SLC2A7: variants seen among roughly 807,000 people sequenced by gnomAD.
SLC2A7 encodes solute carrier family 2, facilitated glucose transporter member 7.
SLC2A7 carries 50 observed loss-of-function variants against 50.5 expected under a neutral mutation model. That is an observed-to-expected ratio of 0.99 (90% confidence interval 0.79 to 1.25). SLC2A7 has a LOEUF of 1.25. SLC2A7 is among the 50% of genes most tolerant of loss of function. SLC2A7 has a pLI of 0.00. For missense variants in SLC2A7, 683 were observed against 679.1 expected (o/e 1.01, Z -0.06); for synonymous variants, 308 against 300.4 (o/e 1.03, Z -0.26).
chr1:9,005,290 C>T (rs1557645743), intron 10 of SLC2A7, among the ~76,000 whole-genome samples: 1 of 152,150 alleles, frequency 6.6e-6, no homozygotes, highest in Admixed American at 6.5e-5. Context: ...TGGGAAGTGC[C>T]GCCCTCCTAT....
At chr1:9,005,532 AC>A (rs1640641810) in intron 10 of SLC2A7, among the ~76,000 whole-genome samples, 1 of 151,736 alleles carries the variant, frequency 6.6e-6, no homozygotes, top group Admixed American at 6.6e-5. Flanking sequence ...CAAGCTTCCC[AC>A]CCCCGCTTAG....
chr1:9,017,444 C>G lies in SLC2A7; in HGVS notation c.589+779G>C, dbSNP rs191423465. On this transcript the variant is annotated intron_variant, in intron 5 of 11. Coordinates refer to ENST00000400906, the MANE Select transcript of SLC2A7 (RefSeq NM_207420.3). ...TCTGCAGAGGGTCCTGCCCCACACC[C>G]AGAAGGAAGGCTGTACAGAGGCCAA... Among the ~76,000 whole-genome samples, 618 of 152,292 alleles carry G rather than the reference C, an allele frequency of 4.1e-3. 6 individuals are homozygous for G. Among genetic ancestry groups the G allele is most frequent in the African/African-American group, 0.014 (588 of 41,546 alleles).
chr1:9,016,010 A>C (rs1450056816), intron 5 of SLC2A7, among the ~76,000 whole-genome samples: 1 of 152,012 alleles, frequency 6.6e-6, no homozygotes, highest in Non-Finnish European at 1.5e-5. Context: ...GGCATGAGCC[A>C]CTGCACCCAG....
intron 1 of SLC2A7, among the ~76,000 whole-genome samples, chr1:9,025,947 A>G (rs1253755335): frequency 6.6e-6 from 1 of 152,144 alleles, no homozygotes; most frequent in African/African-American, 2.4e-5. Flanking sequence ...CTGCACATCC[A>G]GGAACAACCA....
intron 1 of SLC2A7, 76 bp downstream of exon 1, chr1:9,026,219 G>T: frequency 3.4e-6 from 5 of 1,490,670 alleles, no homozygotes; most frequent in Non-Finnish European, 4.6e-6. Flanking sequence ...AGCATTCCAC[G>T]GCCTTCACCT....
At chr1:9,025,095 G>A (rs763526014) in intron 1 of SLC2A7, 21 bp from the exon 2 acceptor site, 2 of 1,612,326 alleles carry the variant, frequency 1.2e-6, no homozygotes, top group East Asian at 4.5e-5. Context: ...CAAGTCCAAG[G>A]TCGGGACGCT....
intron 7 of SLC2A7, among the ~76,000 whole-genome samples, chr1:9,013,997 G>A (rs565968509): frequency 1.3e-5 from 2 of 152,218 alleles, no homozygotes; most frequent in Non-Finnish European, 2.9e-5. Context: ...CAAGCCAACC[G>A]CAAGTTGAGT....
the SLC2A7 span, among the ~76,000 whole-genome samples, chr1:8,993,390 C>A: frequency 6.6e-6 from 1 of 152,196 alleles, no homozygotes; most frequent in Non-Finnish European, 1.5e-5. Context: ...TAAGCACCAG[C>A]TTGTCCTTCC....
At chr1:9,004,708 C>T (rs776703150) in intron 11 of SLC2A7, 44 bp downstream of exon 11, 1 of 1,610,918 alleles carries the variant, frequency 6.2e-7, no homozygotes, top group Non-Finnish European at 8.5e-7. Flanking sequence ...ATCTTACTCC[C>T]TGGAGGCCCG....
intron 11 of SLC2A7, among the ~76,000 whole-genome samples, chr1:9,004,495 GC>G (rs1640623225): frequency 6.6e-6 from 1 of 152,118 alleles, no homozygotes; most frequent in Admixed American, 6.5e-5. Context: ...GTTTGCTGGC[GC>G]CTTTGAGCTC....
At chr1:9,026,196 G>T (rs565796691) in intron 1 of SLC2A7, 99 bp downstream of exon 1, 5 of 1,312,676 alleles carry the variant, frequency 3.8e-6, no homozygotes, top group African/African-American at 2.9e-5. Flanking sequence ...CACGCTACCC[G>T]CTCCTTGCTA....
downstream of SLC2A7, among the ~76,000 whole-genome samples, chr1:9,001,543 C>T (rs557410770): frequency 4.6e-5 from 7 of 151,754 alleles, no homozygotes; most frequent in Non-Finnish European, 8.8e-5. Context: ...CTCAGCCTCC[C>T]AAGCAGCTGG....
rs749997562 is a variant in SLC2A7 at position 9,014,698 on chromosome 1, G to C, written c.886C>G (p.Leu296Val). 7 of 1,559,504 alleles carry C rather than the reference G, an allele frequency of 4.5e-6. No homozygotes were observed. The highest frequency in any genetic ancestry group is 6.1e-6 in the Non-Finnish European group (7 of 1,151,576). ...CCACATACCGCATTGATGCCCGACAGCTGCTGGCCGGCCATGAGCACGATG... is the reference window on the plus strand; with the variant it reads ...CCACATACCGCATTGATGCCCGACACCTGCTGGCCGGCCATGAGCACGATG... ...SIIVLMAGQQ[L>V]SGINAINYYA... The change falls in exon 7 of 12, where the codon CTG (leucine) becomes GTG (valine). Residue 296 changes from leucine to valine, a missense_variant. Physicochemically the swap from Leu to Val is conservative, Grantham distance 32. Coordinates refer to ENST00000400906, the MANE Select transcript of SLC2A7 (RefSeq NM_207420.3).
At chr1:9,005,781 CAA>C (rs75636224) in intron 10 of SLC2A7, among the ~76,000 whole-genome samples, 35 of 42,600 alleles carry the variant, frequency 8.2e-4, no homozygotes, top group Middle Eastern at 0.018. Context: ...GACTCCAACT[CAA>C]AAAAAAAAAA....
rs558447840 is a variant in SLC2A7 at position 9,024,153 on chromosome 1, C to T, written c.150+823G>A. 4.6e-5 allele frequency among the ~76,000 whole-genome samples: 7 copies of T among 152,092 alleles called. 1 individual carries two copies. In the South Asian group the frequency reaches 6.2e-4, roughly 14 times the overall value. On this transcript the variant is annotated intron_variant, in intron 2 of 11. Transcript: ENST00000400906. ...TGCTGGGATTGCAGGCGTGAGCCACCGCTCCCAGCCCAGGAAATATTTTTA... is the reference window on the plus strand; with the variant it reads ...TGCTGGGATTGCAGGCGTGAGCCACTGCTCCCAGCCCAGGAAATATTTTTA...
At chr1:9,019,435 G>A in intron 3 of SLC2A7, 102 bp from the exon 4 acceptor site, 1 of 1,482,794 alleles carries the variant, frequency 6.7e-7, no homozygotes, top group Non-Finnish European at 9.0e-7. Context: ...GAGGCGCGGG[G>A]AATGTGCCCG....
At position 9,009,652 on chromosome 1, in the gene SLC2A7, C is replaced by CA. The variant is rs1361685349; in HGVS notation, c.1116+490_1116+491insT. On this transcript the variant is annotated intron_variant, in intron 9 of 11. Transcript: ENST00000400906. Reference sequence around the variant, plus strand: ...TTTGTATTTTTTGTAGAGATGGGGTCTCACCATGTTGTTCAGACTGGTCTT... The same window carrying CA: ...TTTGTATTTTTTGTAGAGATGGGGTCATCACCATGTTGTTCAGACTGGTCTT... Among the ~76,000 whole-genome samples the CA allele has an allele frequency of 3.9e-5, 6 of 152,104 alleles. No homozygotes were observed. In the East Asian group the frequency reaches 9.7e-4, roughly 25 times the overall value.
chr1:9,022,989 G>T lies in SLC2A7; in HGVS notation c.240C>A (p.Thr80=), dbSNP rs771221367. 3.1e-6 allele frequency: 5 copies of T among 1,614,154 alleles called. No individual in the cohort carries two copies. The highest frequency in any genetic ancestry group is 4.5e-5 in the East Asian group (2 of 44,888). The part of the protein sequence containing the change: ...GKLMLLLWSC[T]VSMFPLGGLL... ...GGCCGCCCAGAGGAAACATGGAGAC[G>T]GTGCAAGACCATAGAAGCAGCATGA... The change falls in exon 3 of 12, where the codon ACC becomes ACA. Residue 80 remains threonine, a synonymous_variant. Coordinates refer to ENST00000400906, the MANE Select transcript of SLC2A7 (RefSeq NM_207420.3).
chr1:9,002,026 C>T (rs1640581962), downstream of SLC2A7, among the ~76,000 whole-genome samples: 1 of 152,170 alleles, frequency 6.6e-6, no homozygotes, highest in Admixed American at 6.6e-5. Context: ...CAGGATGCGC[C>T]TTGTTAAAAA....
Sources: allele counts gnomAD v4.1 joint callset (sites outside exome capture counted in the v4.1 genomes callset), GRCh38; gene constraint gnomAD v4.1.1; transcripts MANE v1.5; gene names NCBI Gene and HGNC (gene_info 2026-07-23, HGNC 2026-07-21).